Variants in WASHC2A observed in about 807,000 individuals in gnomAD.
WASHC2A encodes WASH complex subunit FAM21A.
Under a neutral mutation model 140.3 loss-of-function variants are expected in WASHC2A, and 82 were observed. That is an observed-to-expected ratio of 0.58 (90% CI 0.49 to 0.70). WASHC2A has a LOEUF of 0.70. Among genes scored for constraint, WASHC2A ranks in the 30% least tolerant of loss-of-function variants. The pLI is 0.00. For missense variants in WASHC2A, 985 were observed against 1,521.8 expected, an observed-to-expected ratio of 0.65 and a Z score of 5.87; for synonymous variants, 340 against 560.8, an observed-to-expected ratio of 0.61 and a Z score of 5.56.
chr10:50,097,511 T>A (rs1450227638), intron 15 of WASHC2A, among the ~76,000 whole-genome samples, 164 bp from the exon 16 acceptor site: 1 of 146,648 alleles, frequency 6.8e-6, no homozygotes, highest in Non-Finnish European at 1.5e-5. Context: ...TTTGAAAAAT[T>A]CCAAGGGAAG....
At chr10:50,094,632 G>A (rs1840274875) in intron 13 of WASHC2A, among the ~76,000 whole-genome samples, 1 of 152,186 alleles carries the variant, frequency 6.6e-6, no homozygotes, top group Non-Finnish European at 1.5e-5. Context: ...CGCTCCTTGT[G>A]CCTGCTGTGC....
At chr10:50,130,114 A>C in intron 29 of WASHC2A, 75 bp downstream of exon 29, 1 of 1,597,072 alleles carries the variant, frequency 6.3e-7, no homozygotes, top group South Asian at 1.1e-5. Flanking sequence ...TGAGCCATAG[A>C]TTATGTCTAG....
At chr10:50,105,288 G>A (rs1386514691) in intron 18 of WASHC2A, among the ~76,000 whole-genome samples, 173 of 151,082 alleles carry the variant, frequency 1.1e-3, no homozygotes, top group Non-Finnish European at 2.1e-3. Context: ...CTGGGCGGTG[G>A]TGAGCTCAAA....
chr10:50,068,948 ACT>A (rs1312551292), intron 2 of WASHC2A, among the ~76,000 whole-genome samples: 5 of 143,800 alleles, frequency 3.5e-5, no homozygotes, highest in Non-Finnish European at 7.7e-5. Flanking sequence ...CAACTCCTGG[ACT>A]CTAGCGATAA....
At chr10:50,104,476 C>T (rs1382948795) in intron 18 of WASHC2A, among the ~76,000 whole-genome samples, 2 of 151,736 alleles carry the variant, frequency 1.3e-5, no homozygotes, top group African/African-American at 4.8e-5. Context: ...CCTGCCTCGA[C>T]CTCCCAAGTA....
intron 19 of WASHC2A, 111 bp from the exon 20 acceptor site, chr10:50,109,990 T>C (rs1183700055): frequency 1.9e-4 from 220 of 1,170,898 alleles, no homozygotes; most frequent in South Asian, 2.8e-4. Context: ...AAGGATGGTC[T>C]TGATCTGCTG....
chr10:50,101,175 A>G (rs1841115214), intron 17 of WASHC2A, among the ~76,000 whole-genome samples: 1 of 152,312 alleles, frequency 6.6e-6, no homozygotes, highest in Non-Finnish European at 1.5e-5. Flanking sequence ...GGAATTAACC[A>G]AAGTCCAGTT....
chr10:50,081,860 C>T (rs1386980897), intron 5 of WASHC2A, among the ~76,000 whole-genome samples: 7 of 151,960 alleles, frequency 4.6e-5, no homozygotes, highest in Admixed American at 2.6e-4. Flanking sequence ...CTCGAACTCC[C>T]GACCTCAGGT....
At chr10:50,124,089 G>A (rs1211996320) in intron 23 of WASHC2A, among the ~76,000 whole-genome samples, 1 of 144,336 alleles carries the variant, frequency 6.9e-6, no homozygotes, top group Non-Finnish European at 1.5e-5. Flanking sequence ...TAGTTTTTTT[G>A]GTTTTTTTGT....
Position 50,097,772 on chromosome 10 carries a change from A to G in WASHC2A, c.1518A>G (p.Thr506=). Residue 506 remains threonine, a synonymous_variant, in exon 16 of 31, where the codon ACA becomes ACG. Coordinates refer to ENST00000282633, the MANE Select transcript of WASHC2A (RefSeq NM_001005751.3). ...VASPEATVSQ[T]DENKARAEKK... The stretch of plus-strand genomic sequence containing the variant: ...CGCCAGAAGCCACTGTGAGTCAGAC[A>G]GATGAAAATAAAGCAAGAGCAGAAA... 1.2e-6 allele frequency: 2 copies of G among 1,605,828 alleles called. No homozygotes were observed. Among genetic ancestry groups the G allele is most frequent in the Non-Finnish European group, 8.5e-7 (1 of 1,177,982 alleles).
chr10:50,089,445 A>G (rs1469462513), intron 8 of WASHC2A, among the ~76,000 whole-genome samples: 4 of 151,102 alleles, frequency 2.6e-5, no homozygotes, highest in Non-Finnish European at 4.4e-5. Flanking sequence ...AATTTTTTTA[A>G]TTATACATAG....
At chr10:50,082,486 T>C (rs1225901461) in intron 5 of WASHC2A, among the ~76,000 whole-genome samples, 3 of 95,828 alleles carry the variant, frequency 3.1e-5, no homozygotes, top group Admixed American at 1.4e-4. Context: ...TGACCCTATT[T>C]TTTTTTTTTT....
intron 17 of WASHC2A, 109 bp from the exon 18 acceptor site, chr10:50,103,932 GC>G: frequency 9.6e-7 from 1 of 1,043,724 alleles, no homozygotes; most frequent in Non-Finnish European, 1.5e-6. Flanking sequence ...CAGGAAAGAA[GC>G]CTAGACACAT....
At chr10:50,090,041 C>A (rs1476462077) in intron 8 of WASHC2A, among the ~76,000 whole-genome samples, 3 of 150,732 alleles carry the variant, frequency 2.0e-5, no homozygotes, top group Admixed American at 2.0e-4. Context: ...ACCTAGGAGG[C>A]GGAGGTTGCA....
chr10:50,109,039 A>G (rs1309896712), intron 19 of WASHC2A, among the ~76,000 whole-genome samples: 5 of 151,726 alleles, frequency 3.3e-5, no homozygotes, highest in African/African-American at 7.3e-5. Flanking sequence ...AGTCACTGCT[A>G]AACATTGAGG....
rs1275710886 is a variant in WASHC2A at position 50,083,024 on chromosome 10, GT to G, written c.529-1045del. 1.7e-5 allele frequency among the ~76,000 whole-genome samples: 2 copies of G among 116,382 alleles called. 1 individual carries two copies. Among genetic ancestry groups the G allele is most frequent in the African/African-American group, 7.2e-5 (2 of 27,768 alleles). The allele number at this position is 116,382 out of a possible 152,430, so 76.4% of individuals were successfully genotyped here. On this transcript the variant is annotated intron_variant, in intron 5 of 30. Transcript: ENST00000282633. ...ATTTATTTATTTATTTTGAGTCAGAGTTTCGCTCTTGTTGCCCAGGCTGGAG... is the reference window on the plus strand; with the variant it reads ...ATTTATTTATTTATTTTGAGTCAGAGTTCGCTCTTGTTGCCCAGGCTGGAG...
chr10:50,110,961 G>A (rs1842243269), intron 20 of WASHC2A, among the ~76,000 whole-genome samples: 2 of 145,898 alleles, frequency 1.4e-5, no homozygotes, highest in East Asian at 2.0e-4. Context: ...CATCCTGTTA[G>A]GAGGAAGTTC....
intron 20 of WASHC2A, among the ~76,000 whole-genome samples, chr10:50,112,934 C>G (rs1366568549): frequency 6.7e-6 from 1 of 149,350 alleles, no homozygotes; most frequent in Non-Finnish European, 1.5e-5. Context: ...CATGGCGGTT[C>G]TTTTTGGGGT....
chr10:50,124,174 G>A (rs1459437060), intron 23 of WASHC2A, among the ~76,000 whole-genome samples: 13 of 151,836 alleles, frequency 8.6e-5, no homozygotes, highest in Non-Finnish European at 1.2e-4. Flanking sequence ...GCGTGATCTC[G>A]GCCCACTGCA....
Sources: gnomAD v4.1 joint callset for allele counts (sites outside exome capture counted in the v4.1 genomes callset) on GRCh38, gnomAD v4.1.1 for gene constraint, MANE v1.5 for transcripts, NCBI Gene and HGNC (gene_info 2026-07-23, HGNC 2026-07-21) for gene names.